The following DLGAP2 variants were observed in gnomAD, a reference collection of about 807,000 sequenced individuals.
The protein encoded by DLGAP2 is disks large-associated protein 2.
Under a neutral mutation model 100.3 loss-of-function variants are expected in DLGAP2, and 26 were observed. The observed-to-expected ratio is 0.26, with a 90% CI of 0.19 to 0.36. The LOEUF is 0.36. Ranked by LOEUF, DLGAP2 falls within the 10% of genes least tolerant of loss-of-function variation. The probability of loss-of-function intolerance (pLI) is 1.00; values close to 1 mark genes in which losing one functional copy is unlikely to be tolerated. For missense variants in DLGAP2, 1,858 were observed against 1,453.2 expected, an observed-to-expected ratio of 1.28 and a Z score of -4.53; for synonymous variants, 886 against 630.1, an observed-to-expected ratio of 1.41 and a Z score of -6.08.
At chr8:1,031,897 C>T (rs571703685) in intron 2 of DLGAP2, among the ~76,000 whole-genome samples, 19 of 152,264 alleles carry the variant, frequency 1.2e-4, no homozygotes, top group African/African-American at 3.4e-4. Flanking sequence ...GTCCATGCTA[C>T]GCTGGTCTCT....
intron 3 of DLGAP2, among the ~76,000 whole-genome samples, chr8:1,455,272 G>C (rs1798278136): frequency 6.6e-6 from 1 of 152,240 alleles, no homozygotes; most frequent in Non-Finnish European, 1.5e-5. Flanking sequence ...CCCATCTCAG[G>C]CACTGATTCT....
intron 3 of DLGAP2, among the ~76,000 whole-genome samples, chr8:1,339,554 T>G (rs1471020146): frequency 6.6e-6 from 1 of 152,212 alleles, no homozygotes; most frequent in Non-Finnish European, 1.5e-5. Context: ...GTCACGTAAG[T>G]AGTCTTCAGT....
Position 1,484,585 on chromosome 8 carries a change from C to T in DLGAP2, c.107-16781C>T, listed in dbSNP as rs186537416. 3.9e-5 allele frequency among the ~76,000 whole-genome samples: 6 copies of T among 152,324 alleles called. No homozygotes were observed. In the East Asian group the frequency reaches 5.8e-4, roughly 15 times the overall value. On this transcript the variant is annotated intron_variant, in intron 3 of 14. Coordinates refer to ENST00000637795, the MANE Select transcript of DLGAP2 (RefSeq NM_001346810.2). ...CATCCAGACACTCGAAGGAGGTTCA[C>T]GCTGATTCAGAGTCATCAGGGTAAA...
intron 4 of DLGAP2, among the ~76,000 whole-genome samples, chr8:1,519,817 C>T (rs906585583): frequency 6.6e-6 from 1 of 152,246 alleles, no homozygotes; most frequent in Non-Finnish European, 1.5e-5. Context: ...TTGTGCTCAG[C>T]AGGTGATGGC....
intron 2 of DLGAP2, among the ~76,000 whole-genome samples, chr8:950,155 A>G (rs1799442124): frequency 6.6e-6 from 1 of 152,146 alleles, no homozygotes; most frequent in Admixed American, 6.5e-5. Flanking sequence ...AGAGTCCAAA[A>G]CAGTGACTCG....
intron 1 of DLGAP2, among the ~76,000 whole-genome samples, chr8:798,041 C>G (rs376340384): frequency 6.6e-6 from 1 of 152,208 alleles, no homozygotes; most frequent in Non-Finnish European, 1.5e-5. Flanking sequence ...TGAGCCACCA[C>G]GCCTGGCCAG....
At chr8:1,515,731 C>T (rs569665354) in intron 4 of DLGAP2, among the ~76,000 whole-genome samples, 1 of 149,764 alleles carries the variant, frequency 6.7e-6, no homozygotes, top group East Asian at 2.0e-4. Flanking sequence ...CAGATAGGCA[C>T]ACTCACACAC....
At chr8:813,861 C>T (rs1796415765) in intron 1 of DLGAP2, among the ~76,000 whole-genome samples, 1 of 152,200 alleles carries the variant, frequency 6.6e-6, no homozygotes, top group Admixed American at 6.5e-5. Flanking sequence ...TCTCAATGTT[C>T]TTCTGCCGAA....
chr8:1,482,217 G>A (rs1288101348), intron 3 of DLGAP2, among the ~76,000 whole-genome samples: 1 of 152,216 alleles, frequency 6.6e-6, no homozygotes, highest in African/African-American at 2.4e-5. Flanking sequence ...TTGAGATTCA[G>A]AACACTTGCT....
At chr8:1,202,261 TG>T in intron 2 of DLGAP2, among the ~76,000 whole-genome samples, 1 of 147,676 alleles carries the variant, frequency 6.8e-6, no homozygotes, top group African/African-American at 2.6e-5. Context: ...TGTGTGTGTG[TG>T]TGTGTGTGTG....
rs1187122969 is a variant in DLGAP2 at position 1,237,955 on chromosome 8, C to T, written c.74-20896C>T. On this transcript the variant is annotated intron_variant, in intron 2 of 14. Transcript: ENST00000637795. ...TCTAGTTCTGTCTCACACAGAGCAT[C>T]GTGTCTAGTTCTCTCACATGGCGCC... Among the ~76,000 whole-genome samples the T allele has an allele frequency of 1.7e-4, 2 of 11,774 alleles. 1 individual carries two copies. Among genetic ancestry groups the T allele is most frequent in the Non-Finnish European group, 3.2e-4 (2 of 6,300 alleles). 7.7% of individuals were successfully genotyped at this position (11,774 alleles called of 152,430 possible).
intron 5 of DLGAP2, among the ~76,000 whole-genome samples, chr8:1,552,234 C>T (rs973392287): frequency 6.6e-6 from 1 of 152,202 alleles, no homozygotes; most frequent in African/African-American, 2.4e-5. Context: ...CCCGGAGGAT[C>T]GGAGGATAGA....
At chr8:1,159,366 C>T (rs572764112) in intron 2 of DLGAP2, among the ~76,000 whole-genome samples, 5 of 152,168 alleles carry the variant, frequency 3.3e-5, no homozygotes, top group Non-Finnish European at 5.9e-5. Flanking sequence ...TTCAGGAAAT[C>T]GTTTACTTTC....
intron 4 of DLGAP2, among the ~76,000 whole-genome samples, chr8:1,534,742 C>T (rs1298849351): frequency 5.3e-5 from 8 of 151,786 alleles, no homozygotes; most frequent in Admixed American, 5.3e-4. Flanking sequence ...AATCACAAGG[C>T]TGTGTGTGTT....
chr8:1,074,971 G>C (rs1803558960), intron 2 of DLGAP2, among the ~76,000 whole-genome samples: 1 of 150,038 alleles, frequency 6.7e-6, no homozygotes, highest in Non-Finnish European at 1.5e-5. Flanking sequence ...CAGTGCAGCA[G>C]GGAGTGGTGA....
intron 2 of DLGAP2, among the ~76,000 whole-genome samples, chr8:1,256,434 C>A: frequency 8.2e-6 from 1 of 121,782 alleles, no homozygotes; most frequent in African/African-American, 3.6e-5. Context: ...CGCTGTGCGT[C>A]TGTCCTCTCC....
At chr8:1,356,586 G>C (rs754975587) in intron 3 of DLGAP2, among the ~76,000 whole-genome samples, 12 of 152,142 alleles carry the variant, frequency 7.9e-5, no homozygotes, top group Non-Finnish European at 1.2e-4. Flanking sequence ...CCCCCAGGCA[G>C]AACATGACGG....
chr8:1,473,072 A>C (rs34620280), intron 3 of DLGAP2, among the ~76,000 whole-genome samples: 58,572 of 151,980 alleles, frequency 0.39, 11,905 homozygotes, highest in Middle Eastern at 0.49. Context: ...CTGGGATTAC[A>C]GGCACCTGCC....
At chr8:1,046,177 G>A (rs1802509665) in intron 2 of DLGAP2, among the ~76,000 whole-genome samples, 1 of 152,194 alleles carries the variant, frequency 6.6e-6, no homozygotes, top group Non-Finnish European at 1.5e-5. Context: ...GAAGGCTAAT[G>A]TGGGTTTAAT....
Sources: allele counts gnomAD v4.1 joint callset (sites outside exome capture counted in the v4.1 genomes callset), GRCh38; gene constraint gnomAD v4.1.1; transcripts MANE v1.5; gene names NCBI Gene and HGNC (gene_info 2026-07-23, HGNC 2026-07-21).